The following BRINP3 variants were observed in gnomAD, a reference collection of about 807,000 sequenced individuals.
The protein encoded by BRINP3 is BMP/retinoic acid inducible neural specific 3, also known as BMP/retinoic acid-inducible neural-specific protein 3.
A neutral mutation model predicts 71.0 loss-of-function variants in BRINP3; 19 were observed. That is an observed-to-expected ratio of 0.27 (90% CI 0.19 to 0.39). BRINP3 has a LOEUF of 0.39. Ranked by LOEUF, BRINP3 falls within the 10% of genes least tolerant of loss-of-function variation. BRINP3 has a pLI of 1.00. For synonymous variants in BRINP3, 380 were observed against 337.7 expected, an observed-to-expected ratio of 1.13 and a Z score of -1.37; for missense variants, 959 against 940.8, an observed-to-expected ratio of 1.02 and a Z score of -0.25.
Position 190,454,884 on chromosome 1 carries a change from A to G in BRINP3, c.7T>C (p.Trp3Arg), listed in dbSNP as rs768018841. The part of the protein sequence containing the change: MI[W>R]RSRAGAELFS... ...AATTCAGCACCAGCTCTGCTTCGCC[A>G]TATCATGCTTCCACTGGGGATTTAG... Residue 3 changes from tryptophan to arginine, a missense_variant, in exon 2 of 8, where the codon TGG becomes CGG. Transcript: ENST00000367462. 9.9e-6 allele frequency: 16 copies of G among 1,613,542 alleles called. No homozygotes were observed. In the African/African-American group the frequency reaches 1.6e-4, roughly 16 times the overall value.
At chr1:190,368,243 G>A (rs981236285) in intron 2 of BRINP3, among the ~76,000 whole-genome samples, 1 of 152,170 alleles carries the variant, frequency 6.6e-6, no homozygotes, top group Middle Eastern at 3.4e-3. Context: ...TCACATGGTG[G>A]CAGCAAGGAG....
At chr1:190,203,472 T>C (rs1655192229) in intron 6 of BRINP3, among the ~76,000 whole-genome samples, 2 of 149,060 alleles carry the variant, frequency 1.3e-5, no homozygotes, top group Non-Finnish European at 1.5e-5. Flanking sequence ...TGTGTGTGTG[T>C]GTGTGTGTAT....
intron 1 of BRINP3, among the ~76,000 whole-genome samples, chr1:190,455,482 T>C (rs1675924105): frequency 6.6e-6 from 1 of 152,118 alleles, no homozygotes; most frequent in South Asian, 2.1e-4. Context: ...TGTATACCTA[T>C]TATAGATATA....
intron 4 of BRINP3, among the ~76,000 whole-genome samples, chr1:190,246,233 A>G (rs1350600369): frequency 6.6e-6 from 1 of 152,002 alleles, no homozygotes. Flanking sequence ...CTTTTCCACT[A>G]TATCTTCATC....
chr1:190,101,832 G>A (rs2102245271), intron 7 of BRINP3, among the ~76,000 whole-genome samples: 1 of 152,270 alleles, frequency 6.6e-6, no homozygotes, highest in East Asian at 1.9e-4. Context: ...CACAAAAGTA[G>A]GGCACTGTAG....
At chr1:190,448,437 T>G (rs1675372177) in intron 2 of BRINP3, among the ~76,000 whole-genome samples, 1 of 150,142 alleles carries the variant, frequency 6.7e-6, no homozygotes, top group East Asian at 1.9e-4. Context: ...AATAATCTTT[T>G]TTCTTAACAC....
intron 6 of BRINP3, among the ~76,000 whole-genome samples, chr1:190,169,218 A>C (rs1188423179): frequency 2.0e-5 from 3 of 152,138 alleles, no homozygotes; most frequent in Non-Finnish European, 4.4e-5. Flanking sequence ...GCACATTTGG[A>C]TATCCTCTTC....
intron 2 of BRINP3, among the ~76,000 whole-genome samples, chr1:190,361,659 C>A (rs776722006): frequency 6.6e-6 from 1 of 152,114 alleles, no homozygotes; most frequent in East Asian, 1.9e-4. Context: ...ACCTTGGCCT[C>A]CCAAAGTGCT....
chr1:190,285,896 G>A (rs1663387767), intron 2 of BRINP3, among the ~76,000 whole-genome samples: 2 of 152,090 alleles, frequency 1.3e-5, no homozygotes, highest in Non-Finnish European at 2.9e-5. Flanking sequence ...ATTTCATCCA[G>A]ATGCTTTATG....
At chr1:190,201,849 C>T (rs922621445) in intron 6 of BRINP3, among the ~76,000 whole-genome samples, 3 of 152,154 alleles carry the variant, frequency 2.0e-5, no homozygotes, top group African/African-American at 7.2e-5. Flanking sequence ...TTTCAGAATA[C>T]ACATGGAAAT....
intron 7 of BRINP3, among the ~76,000 whole-genome samples, chr1:190,105,447 T>A (rs953584285): frequency 1.3e-5 from 2 of 152,160 alleles, no homozygotes; most frequent in Non-Finnish European, 2.9e-5. Flanking sequence ...TAACATTCAT[T>A]GAGCTTTTCT....
At chr1:190,246,594 C>G (rs1659635718) in intron 4 of BRINP3, among the ~76,000 whole-genome samples, 1 of 151,928 alleles carries the variant, frequency 6.6e-6, no homozygotes, top group Non-Finnish European at 1.5e-5. Context: ...ATGGAACAGA[C>G]TACAAACTAA....
chr1:190,151,169 A>T (rs1322210445), intron 7 of BRINP3, among the ~76,000 whole-genome samples: 1 of 152,118 alleles, frequency 6.6e-6, no homozygotes, highest in Non-Finnish European at 1.5e-5. Flanking sequence ...AAAAGAAAAA[A>T]TGATGTTCAG....
Position 190,148,293 on chromosome 1 carries a change from C to A in BRINP3, c.1184+12375G>T, listed in dbSNP as rs537956825. Among the ~76,000 whole-genome samples the A allele has an allele frequency of 2.3e-4, 35 of 151,828 alleles. 1 individual carries two copies. Among genetic ancestry groups the A allele is most frequent in the African/African-American group, 8.2e-4 (34 of 41,418 alleles). On this transcript the variant is annotated intron_variant, in intron 7 of 7. Transcript: ENST00000367462. ...TACTCTCACCCATGCTCTTCATGAACCTCACTTTTAAAATAAATTCTTGCC... is the reference window on the plus strand; with the variant it reads ...TACTCTCACCCATGCTCTTCATGAAACTCACTTTTAAAATAAATTCTTGCC...
chr1:190,396,503 T>A (rs1007367672), intron 2 of BRINP3, among the ~76,000 whole-genome samples: 2 of 151,334 alleles, frequency 1.3e-5, no homozygotes, highest in Non-Finnish European at 3.0e-5. Context: ...ATTGATTACA[T>A]TAAAACGACC....
intron 6 of BRINP3, among the ~76,000 whole-genome samples, chr1:190,165,897 A>G (rs2102478540): frequency 1.3e-5 from 2 of 152,288 alleles, no homozygotes; most frequent in East Asian, 3.9e-4. Flanking sequence ...CTGAAATGGC[A>G]CCTGCTCCTC....
chr1:190,404,773 T>C (rs548185676), intron 2 of BRINP3, among the ~76,000 whole-genome samples: 56 of 152,310 alleles, frequency 3.7e-4, no homozygotes, highest in African/African-American at 1.3e-3. Flanking sequence ...CATAGTTTTA[T>C]AGTGTCATTT....
chr1:190,407,588 C>T (rs1378672536), intron 2 of BRINP3, among the ~76,000 whole-genome samples: 2 of 151,976 alleles, frequency 1.3e-5, no homozygotes, highest in Non-Finnish European at 2.9e-5. Flanking sequence ...AAACAATGTA[C>T]CATTAAATTT....
chr1:190,452,130 A>G (rs1675649949), intron 2 of BRINP3, among the ~76,000 whole-genome samples: 1 of 152,210 alleles, frequency 6.6e-6, no homozygotes, highest in African/African-American at 2.4e-5. Context: ...GTACTCACAA[A>G]TTCTATATTT....
Sources: allele counts gnomAD v4.1 joint callset (sites outside exome capture counted in the v4.1 genomes callset), GRCh38; gene constraint gnomAD v4.1.1; transcripts MANE v1.5; gene names NCBI Gene and HGNC (gene_info 2026-07-23, HGNC 2026-07-21).